EPHA5: variants seen among roughly 807,000 people sequenced by gnomAD.
EPHA5 encodes the protein EPH receptor A5.
EPHA5 carries 60 observed loss-of-function variants against 105.0 expected under a neutral mutation model. That is an observed-to-expected ratio of 0.57 (90% CI 0.46 to 0.71). EPHA5 has a LOEUF of 0.71. Among genes scored for constraint, EPHA5 ranks in the 30% least tolerant of loss-of-function variants. The probability of loss-of-function intolerance (pLI) is 0.00; values close to 1 mark genes in which losing one functional copy is unlikely to be tolerated. For synonymous variants in EPHA5, 513 were observed against 449.1 expected (o/e 1.14, Z -1.80); for missense variants, 1,218 against 1,274.7 (o/e 0.96, Z 0.68).
chr4:65,620,401 G>T (rs1745613357), intron 2 of EPHA5, among the ~76,000 whole-genome samples: 1 of 151,974 alleles, frequency 6.6e-6, no homozygotes, highest in African/African-American at 2.4e-5. Flanking sequence ...TATAAAAAAT[G>T]TCTTAACACC....
chr4:65,528,373 G>A (rs1455885535), intron 3 of EPHA5, among the ~76,000 whole-genome samples: 3 of 151,408 alleles, frequency 2.0e-5, no homozygotes, highest in Non-Finnish European at 4.4e-5. Flanking sequence ...GTTTCTTAAA[G>A]AGTGTAGTGT....
intron 5 of EPHA5, among the ~76,000 whole-genome samples, chr4:65,443,415 T>G (rs989569173): frequency 2.0e-5 from 3 of 151,726 alleles, no homozygotes; most frequent in African/African-American, 4.8e-5. Context: ...TTGTTTATAC[T>G]GTTACTGCGA....
intron 3 of EPHA5, among the ~76,000 whole-genome samples, chr4:65,547,550 T>G (rs1578394395): frequency 6.6e-6 from 1 of 152,204 alleles, no homozygotes; most frequent in South Asian, 2.1e-4. Flanking sequence ...TCTGGTATCT[T>G]TCATATAAGA....
chr4:65,469,584 A>C (rs181619022), intron 5 of EPHA5, among the ~76,000 whole-genome samples: 337 of 152,330 alleles, frequency 2.2e-3, no homozygotes, highest in Non-Finnish European at 3.8e-3. Context: ...GTTGGACGCC[A>C]GCAAGGAGTA....
chr4:65,584,155 C>A (rs1741903564), intron 3 of EPHA5, among the ~76,000 whole-genome samples: 1 of 151,500 alleles, frequency 6.6e-6, no homozygotes, highest in South Asian at 2.1e-4. Context: ...ATAATAAAAT[C>A]AATCAAATGG....
At position 65,611,809 on chromosome 4, in the gene EPHA5, G is replaced by T. The variant is rs537029677; in HGVS notation, c.247-9505C>A. 2.6e-4 allele frequency among the ~76,000 whole-genome samples: 39 copies of T among 151,664 alleles called. No individual in the cohort carries two copies. The Middle Eastern group carries it at 0.014, about 53-fold the overall frequency. ...TTTTGTTGGAAAACAGCCACATTAG[G>T]GCTGTTAGCTTTCTCAAATGTAAGT... is the stretch of plus-strand genomic sequence containing the variant. On this transcript the variant is annotated intron_variant, in intron 2 of 16. Coordinates refer to ENST00000613740, the MANE Select transcript of EPHA5 (RefSeq NM_001281766.3).
At chr4:65,495,779 T>C (rs537523867) in intron 3 of EPHA5, among the ~76,000 whole-genome samples, 1 of 152,318 alleles carries the variant, frequency 6.6e-6, no homozygotes, top group East Asian at 1.9e-4. Flanking sequence ...TGTAATGATT[T>C]TTATGCTACA....
At position 65,475,439 on chromosome 4, in the gene EPHA5, T is replaced by C. The variant is rs151141149; in HGVS notation, c.1402+14938A>G. 1.8e-3 allele frequency among the ~76,000 whole-genome samples: 268 copies of C among 152,280 alleles called. 3 individuals are homozygous for C. The highest frequency in any genetic ancestry group is 5.1e-3 in the African/African-American group (214 of 41,558). ...CTAATAAAGGACTCATGCATATGCT[T>C]GATTTAAACATAACTTTGCCTCTCT... On this transcript the variant is annotated intron_variant, in intron 5 of 16. Coordinates refer to ENST00000613740, the MANE Select transcript of EPHA5 (RefSeq NM_001281766.3).
At chr4:65,647,395 G>C (rs1273534901) in intron 1 of EPHA5, among the ~76,000 whole-genome samples, 1 of 147,270 alleles carries the variant, frequency 6.8e-6, no homozygotes, top group Non-Finnish European at 1.5e-5. Flanking sequence ...ATTTTCAGAA[G>C]TTAATTTCCC....
intron 13 of EPHA5, among the ~76,000 whole-genome samples, chr4:65,350,283 C>T (rs1415902613): frequency 6.6e-6 from 1 of 151,892 alleles, no homozygotes; most frequent in Non-Finnish European, 1.5e-5. Context: ...TTAAGCTGAC[C>T]ACTGGAAGTC....
chr4:65,576,046 G>A (rs1434686776), intron 3 of EPHA5, among the ~76,000 whole-genome samples: 1 of 56,968 alleles, frequency 1.8e-5, no homozygotes, highest in Non-Finnish European at 3.5e-5. Flanking sequence ...AAGAAAGAAA[G>A]AAAGAAAGAA....
intron 5 of EPHA5, among the ~76,000 whole-genome samples, chr4:65,474,733 A>C (rs543795642): frequency 6.6e-6 from 1 of 152,362 alleles, no homozygotes; most frequent in African/African-American, 2.4e-5. Context: ...TCAGTAATGT[A>C]TCCAATGAAC....
intron 5 of EPHA5, among the ~76,000 whole-genome samples, chr4:65,428,520 A>G (rs1724668874): frequency 1.3e-5 from 2 of 152,050 alleles, no homozygotes; most frequent in Admixed American, 6.6e-5. Context: ...ACTCCATCTT[A>G]AAAGCCTGCA....
intron 5 of EPHA5, among the ~76,000 whole-genome samples, chr4:65,486,422 T>C (rs993387482): frequency 6.6e-6 from 1 of 152,094 alleles, no homozygotes; most frequent in Non-Finnish European, 1.5e-5. Flanking sequence ...CTATTTTCAG[T>C]CACCACAGCA....
intron 3 of EPHA5, among the ~76,000 whole-genome samples, chr4:65,532,807 T>C (rs1044799615): frequency 6.6e-6 from 1 of 152,092 alleles, no homozygotes; most frequent in Non-Finnish European, 1.5e-5. Context: ...TCTCAAGTAT[T>C]TTCCAGCTAT....
intron 10 of EPHA5, among the ~76,000 whole-genome samples, chr4:65,365,649 CTATATATATATATATA>C (rs57048004): frequency 0.038 from 2,434 of 64,874 alleles, 122 homozygotes; most frequent in African/African-American, 0.095. Context: ...TACAAATTCA[CTATATATATATATATA>C]TATATATATA....
intron 6 of EPHA5, among the ~76,000 whole-genome samples, chr4:65,416,764 T>C (rs1435604753): frequency 1.3e-5 from 2 of 152,194 alleles, no homozygotes; most frequent in Non-Finnish European, 2.9e-5. Context: ...GAGTTTGCCA[T>C]ACATAAGTTA....
intron 2 of EPHA5, among the ~76,000 whole-genome samples, chr4:65,626,307 T>A (rs544492029): frequency 6.6e-6 from 1 of 152,284 alleles, no homozygotes; most frequent in African/African-American, 2.4e-5. Flanking sequence ...TTTTAGTTGT[T>A]ATAAGTACTG....
intron 5 of EPHA5, among the ~76,000 whole-genome samples, chr4:65,446,007 A>G (rs963518945): frequency 6.6e-6 from 1 of 152,054 alleles, no homozygotes; most frequent in Non-Finnish European, 1.5e-5. Flanking sequence ...TAACATCCTA[A>G]CTGGTGTTCT....
Sources: allele counts gnomAD v4.1 joint callset (sites outside exome capture counted in the v4.1 genomes callset), GRCh38; gene constraint gnomAD v4.1.1; transcripts MANE v1.5; gene names NCBI Gene and HGNC (gene_info 2026-07-23, HGNC 2026-07-21).